Variants in CDH12 observed in about 807,000 individuals in gnomAD.
The protein encoded by CDH12 is cadherin-12.
Under a neutral mutation model 74.1 loss-of-function variants are expected in CDH12, and 41 were observed. The observed-to-expected ratio is 0.55, with a 90% CI of 0.43 to 0.72. The LOEUF (loss-of-function observed/expected upper bound fraction) is 0.72, where lower values mean the gene tolerates loss of function less well. Ranked by LOEUF, CDH12 falls within the 30% of genes least tolerant of loss-of-function variation. The pLI is 0.00. For missense variants in CDH12, 945 were observed against 977.2 expected (o/e 0.97, Z 0.44); for synonymous variants, 399 against 355.0 (o/e 1.12, Z -1.39).
intron 3 of CDH12, among the ~76,000 whole-genome samples, chr5:22,267,216 G>A (rs1212001579): frequency 6.6e-6 from 1 of 152,098 alleles, no homozygotes; most frequent in African/African-American, 2.4e-5. Flanking sequence ...GCAATAGAAG[G>A]GAAAAATCCA....
chr5:22,043,683 T>G (rs936442301), intron 5 of CDH12, among the ~76,000 whole-genome samples: 2 of 150,170 alleles, frequency 1.3e-5, no homozygotes, highest in African/African-American at 4.9e-5. Flanking sequence ...ATCTTATGTA[T>G]AGAAAATCCC....
intron 5 of CDH12, among the ~76,000 whole-genome samples, chr5:22,012,643 TATG>T (rs1737368563): frequency 6.6e-6 from 1 of 151,898 alleles, no homozygotes. Flanking sequence ...TACCTTAATA[TATG>T]ATATTTACTT....
At chr5:22,324,918 C>CT (rs1351471588) in intron 3 of CDH12, among the ~76,000 whole-genome samples, 6 of 152,100 alleles carry the variant, frequency 3.9e-5, no homozygotes, top group Non-Finnish European at 8.8e-5. Context: ...AGCTGGCTAA[C>CT]TTAATAAAGC....
chr5:22,766,414 C>T lies in CDH12; in HGVS notation c.-523+86644G>A, dbSNP rs573466557. On this transcript the variant is annotated intron_variant, in intron 1 of 14. Coordinates refer to ENST00000382254, the MANE Select transcript of CDH12 (RefSeq NM_004061.5). ...ATGGAACTGTGCAGCAGTGAAAACG[C>T]ATGAAACCAAGCTGCATTTATCAAT... Among the ~76,000 whole-genome samples, 15 of 152,036 alleles carry T rather than the reference C, an allele frequency of 9.9e-5. No individual in the cohort carries two copies. The South Asian group carries it at 2.3e-3, about 23-fold the overall frequency.
intron 2 of CDH12, among the ~76,000 whole-genome samples, chr5:22,471,160 A>G (rs1307111415): frequency 6.6e-6 from 1 of 152,124 alleles, no homozygotes; most frequent in Non-Finnish European, 1.5e-5. Context: ...CATTCAGGAG[A>G]AAAATTGCAC....
chr5:22,192,558 C>T (rs1236202667), intron 4 of CDH12, among the ~76,000 whole-genome samples: 1 of 151,878 alleles, frequency 6.6e-6, no homozygotes, highest in Non-Finnish European at 1.5e-5. Flanking sequence ...GGATAAAAGT[C>T]ACAGAGGTCC....
At chr5:22,231,705 G>T (rs1004016563) in intron 3 of CDH12, among the ~76,000 whole-genome samples, 1 of 151,826 alleles carries the variant, frequency 6.6e-6, no homozygotes, top group African/African-American at 2.4e-5. Context: ...TATTAAAAAT[G>T]ACCTCCAAAT....
intron 1 of CDH12, among the ~76,000 whole-genome samples, chr5:22,636,006 G>T (rs971562989): frequency 6.6e-6 from 1 of 151,682 alleles, no homozygotes; most frequent in African/African-American, 2.4e-5. Context: ...AAATCATTAA[G>T]AAAACTAAGA....
intron 1 of CDH12, among the ~76,000 whole-genome samples, chr5:22,591,284 CA>C (rs1164847400): frequency 1.3e-5 from 2 of 152,030 alleles, no homozygotes; most frequent in Non-Finnish European, 2.9e-5. Flanking sequence ...TGAGCTTGGT[CA>C]ACTGAGAAAG....
chr5:22,535,798 A>G (rs1428177552), intron 1 of CDH12, among the ~76,000 whole-genome samples: 1 of 152,220 alleles, frequency 6.6e-6, no homozygotes, highest in African/African-American at 2.4e-5. Context: ...AACAGTAACT[A>G]TGGGGAGGGA....
intron 1 of CDH12, among the ~76,000 whole-genome samples, chr5:22,659,038 A>G (rs981992841): frequency 4.6e-5 from 7 of 152,122 alleles, no homozygotes; most frequent in Non-Finnish European, 1.0e-4. Flanking sequence ...GACCATTTTC[A>G]TGTTAAGGCC....
chr5:21,918,380 C>CT (rs556040999), intron 6 of CDH12, among the ~76,000 whole-genome samples: 11 of 150,366 alleles, frequency 7.3e-5, no homozygotes, highest in Non-Finnish European at 1.2e-4. Context: ...TCTAAAAATC[C>CT]TTTTTTTTTC....
intron 1 of CDH12, among the ~76,000 whole-genome samples, chr5:22,698,676 G>A (rs1742511057): frequency 3.2e-5 from 1 of 30,986 alleles, no homozygotes; most frequent in Non-Finnish European, 6.0e-5. Context: ...TCAATCCCCA[G>A]ATATATATAT....
At chr5:22,341,845 A>T (rs969069186) in intron 3 of CDH12, among the ~76,000 whole-genome samples, 11 of 151,922 alleles carry the variant, frequency 7.2e-5, no homozygotes, top group African/African-American at 1.9e-4. Flanking sequence ...ATTCCTAGAA[A>T]TTTTTCTTCT....
At chr5:22,519,564 C>T (rs940937172) in intron 1 of CDH12, among the ~76,000 whole-genome samples, 5 of 151,866 alleles carry the variant, frequency 3.3e-5, no homozygotes, top group Admixed American at 2.0e-4. Context: ...GCTGGGACTA[C>T]AGGCGCCCGT....
chr5:22,796,811 C>T (rs889188282), intron 1 of CDH12, among the ~76,000 whole-genome samples: 4 of 101,634 alleles, frequency 3.9e-5, no homozygotes, highest in Non-Finnish European at 7.5e-5. Flanking sequence ...TGAGCCACCG[C>T]GCCCGGCCCA....
intron 1 of CDH12, among the ~76,000 whole-genome samples, chr5:22,735,560 T>C (rs1040513290): frequency 6.6e-6 from 1 of 151,928 alleles, no homozygotes; most frequent in African/African-American, 2.4e-5. Context: ...TCTTTCAAGT[T>C]TTAGTTCCTA....
rs111769849 is a variant in CDH12 at position 22,113,800 on chromosome 5, T to C, written c.-186-34938A>G. ...CAAAATAGAATAATTTCTTATTCTC[T>C]CTGCTTTTCCTCTTTGCTTTATTAT... On this transcript the variant is annotated intron_variant, in intron 4 of 14. Coordinates refer to ENST00000382254, the MANE Select transcript of CDH12 (RefSeq NM_004061.5). 7.2e-3 allele frequency among the ~76,000 whole-genome samples: 1,099 copies of C among 152,304 alleles called. 27 individuals carry two copies. The highest frequency in any genetic ancestry group is 0.025 in the African/African-American group (1,050 of 41,568).
intron 3 of CDH12, among the ~76,000 whole-genome samples, chr5:22,393,891 G>A (rs1014797921): frequency 8.5e-5 from 13 of 152,116 alleles, no homozygotes; most frequent in African/African-American, 2.9e-4. Flanking sequence ...CCTCTTTGGC[G>A]AGATGTAGAA....
Sources: gnomAD v4.1 joint callset for allele counts (sites outside exome capture counted in the v4.1 genomes callset) on GRCh38, gnomAD v4.1.1 for gene constraint, MANE v1.5 for transcripts, NCBI Gene and HGNC (gene_info 2026-07-23, HGNC 2026-07-21) for gene names.